The following NRXN1 variants were observed in gnomAD, a reference collection of about 807,000 sequenced individuals.
NRXN1 encodes the protein neurexin 1.
A neutral mutation model predicts 150.9 loss-of-function variants in NRXN1; 39 were observed. The ratio of observed to expected loss-of-function variants is 0.26; its 90% CI spans 0.20 to 0.34. The LOEUF (loss-of-function observed/expected upper bound fraction) is 0.34, where lower values mean the gene tolerates loss of function less well. NRXN1 is among the 10% of genes least tolerant of loss of function. The pLI is 1.00. For missense variants in NRXN1, 1,815 were observed against 1,949.9 expected (o/e 0.93, Z 1.30); for synonymous variants, 924 against 757.0 (o/e 1.22, Z -3.62).
intron 5 of NRXN1, among the ~76,000 whole-genome samples, chr2:50,626,886 G>A (rs945154759): frequency 6.6e-6 from 1 of 151,664 alleles, no homozygotes; most frequent in Non-Finnish European, 1.5e-5. Context: ...GCACCTCAGC[G>A]AATCAATACA....
In NRXN1 at chr2:49,943,759, C is replaced by T. The variant is rs766642896; in HGVS notation, c.4161G>A (p.Glu1387=). 5 of 1,612,116 alleles carry T rather than the reference C, an allele frequency of 3.1e-6. No homozygotes were observed. Among genetic ancestry groups the T allele is most frequent in the Non-Finnish European group, 4.2e-6 (5 of 1,179,168 alleles). The part of the protein sequence containing the change: ...TTDDILVASA[E]CPSDDEDIDP... ...CAATGTCCTCATCATCGCTGGGACA[C>T]TCTGCTGAGGCCACAAGGATGTCAT... Residue 1387 remains glutamate, a synonymous_variant, in exon 22 of 23, where the codon GAG becomes GAA. Transcript: ENST00000401669.
At chr2:50,450,683 G>C (rs1013940550) in intron 17 of NRXN1, among the ~76,000 whole-genome samples, 23 of 152,152 alleles carry the variant, frequency 1.5e-4, no homozygotes, top group African/African-American at 5.1e-4. Context: ...TCCTTGGAAA[G>C]TGAAACGATG....
At chr2:50,850,947 GTT>G (rs1674429399) in intron 5 of NRXN1, among the ~76,000 whole-genome samples, 1 of 152,000 alleles carries the variant, frequency 6.6e-6, no homozygotes, top group Admixed American at 6.5e-5. Flanking sequence ...AGTGTTCATT[GTT>G]ATTTTTGAAG....
intron 17 of NRXN1, among the ~76,000 whole-genome samples, chr2:50,462,271 C>A (rs2088309546): frequency 6.6e-6 from 1 of 151,240 alleles, no homozygotes; most frequent in African/African-American, 2.4e-5. Flanking sequence ...ACATAGGTAA[C>A]TATAAGGAAA....
intron 2 of NRXN1, among the ~76,000 whole-genome samples, chr2:51,024,698 T>C (rs1427425325): frequency 6.6e-6 from 1 of 152,182 alleles, no homozygotes; most frequent in Non-Finnish European, 1.5e-5. Flanking sequence ...ATTATCTTAT[T>C]ATAGTCTTAC....
intron 22 of NRXN1, among the ~76,000 whole-genome samples, chr2:49,941,923 G>T (rs1672043163): frequency 6.6e-6 from 1 of 152,152 alleles, no homozygotes; most frequent in Admixed American, 6.5e-5. Context: ...ATGGGGAAGG[G>T]AAATTTGAGG....
intron 5 of NRXN1, among the ~76,000 whole-genome samples, chr2:50,648,164 T>C (rs1685095239): frequency 6.6e-6 from 1 of 151,964 alleles, no homozygotes; most frequent in Non-Finnish European, 1.5e-5. Flanking sequence ...CAAACCATAT[T>C]GGGATCTACA....
At chr2:50,817,120 G>A (rs1460443131) in intron 5 of NRXN1, among the ~76,000 whole-genome samples, 5 of 151,976 alleles carry the variant, frequency 3.3e-5, no homozygotes, top group Admixed American at 6.6e-5. Flanking sequence ...GACAGAAGGC[G>A]GGTGGAGGAA....
chr2:50,434,973 A>G (rs943538858), intron 17 of NRXN1, among the ~76,000 whole-genome samples: 2 of 152,220 alleles, frequency 1.3e-5, no homozygotes, highest in Non-Finnish European at 2.9e-5. Context: ...AATGAAAATC[A>G]TGGTATACAC....
At chr2:50,305,621 T>C (rs1215718805) in intron 17 of NRXN1, among the ~76,000 whole-genome samples, 1 of 152,200 alleles carries the variant, frequency 6.6e-6, no homozygotes, top group Non-Finnish European at 1.5e-5. Context: ...TCTCCTTTGG[T>C]CCTAGATTAG....
chr2:50,267,723 T>C (rs1037358752), intron 17 of NRXN1, among the ~76,000 whole-genome samples: 1 of 152,176 alleles, frequency 6.6e-6, no homozygotes, highest in Non-Finnish European at 1.5e-5. Flanking sequence ...AAGACCCCTA[T>C]TGAGGGTAAG....
At chr2:50,715,664 G>T (rs1315922238) in intron 5 of NRXN1, among the ~76,000 whole-genome samples, 2 of 151,964 alleles carry the variant, frequency 1.3e-5, no homozygotes, top group Non-Finnish European at 2.9e-5. Flanking sequence ...CCCCCATCTT[G>T]TGCATTCTTG....
chr2:50,619,736 A>G (rs1331708559), intron 8 of NRXN1: 4 of 409,830 alleles, frequency 9.8e-6, no homozygotes, highest in African/African-American at 8.2e-5. Flanking sequence ...CTTTAGACCC[A>G]GTATCTCTTT....
intron 8 of NRXN1, chr2:50,615,521 G>A (rs1678919025): frequency 6.6e-6 from 1 of 152,162 alleles, no homozygotes; most frequent in Non-Finnish European, 1.5e-5. Context: ...TGCAGGAACA[G>A]GTTCTGAGGG....
chr2:50,961,389 GA>G lies in NRXN1; in HGVS notation c.773-35435del, dbSNP rs1033513984. ...AGAAATAAACACACTCTAACCACTA[GA>G]AAAAAAAGGGTTATATATGAGATGG... On this transcript the variant is annotated intron_variant, in intron 2 of 22. Coordinates refer to ENST00000401669, the MANE Select transcript of NRXN1 (RefSeq NM_001330078.2). Among the ~76,000 whole-genome samples, 55 of 150,618 alleles carry G rather than the reference GA, an allele frequency of 3.7e-4. 1 individual carries two copies. The highest frequency in any genetic ancestry group is 2.5e-4 in the Non-Finnish European group (17 of 67,482).
chr2:50,546,258 A>G (rs1329545819), intron 9 of NRXN1, among the ~76,000 whole-genome samples: 1 of 152,114 alleles, frequency 6.6e-6, no homozygotes, highest in Non-Finnish European at 1.5e-5. Flanking sequence ...TCTCAGTTAA[A>G]TGACCTGCCT....
chr2:50,142,581 A>G (rs776512189), intron 18 of NRXN1, among the ~76,000 whole-genome samples: 1 of 151,926 alleles, frequency 6.6e-6, no homozygotes, highest in African/African-American at 2.4e-5. Context: ...TACCCAGTAA[A>G]TATGTATAAA....
intron 17 of NRXN1, among the ~76,000 whole-genome samples, chr2:50,370,879 A>G (rs1353233802): frequency 6.6e-6 from 1 of 151,922 alleles, no homozygotes; most frequent in African/African-American, 2.4e-5. Context: ...CTCCTATGAT[A>G]TTTTTGAGAT....
At chr2:50,978,271 C>CATATATATATAT (rs10671122) in intron 2 of NRXN1, among the ~76,000 whole-genome samples, 3,015 of 94,362 alleles carry the variant, frequency 0.032, 137 homozygotes, top group Non-Finnish European at 0.043. Context: ...GGATATTATA[C>CATATATATATAT]ATATATATAT....
Sources: allele counts gnomAD v4.1 joint callset (sites outside exome capture counted in the v4.1 genomes callset), GRCh38; gene constraint gnomAD v4.1.1; transcripts MANE v1.5; gene names NCBI Gene and HGNC (gene_info 2026-07-23, HGNC 2026-07-21).